The following INPP5A variants were observed in gnomAD, a reference collection of about 807,000 sequenced individuals.
INPP5A encodes the protein inositol polyphosphate-5-phosphatase A, also known as 43 kDa inositol polyphosphate 5-phophatase.
A neutral mutation model predicts 65.2 loss-of-function variants in INPP5A; 14 were observed. That is an observed-to-expected ratio of 0.21 (90% CI 0.14 to 0.34). The LOEUF (loss-of-function observed/expected upper bound fraction) is 0.34, where lower values mean the gene tolerates loss of function less well. INPP5A is among the 10% of genes least tolerant of loss of function. INPP5A has a pLI of 1.00. For synonymous variants in INPP5A, 207 were observed against 208.3 expected (o/e 0.99, Z 0.05); for missense variants, 431 against 545.6 (o/e 0.79, Z 2.09).
chr10:132,697,909 A>C lies in INPP5A; in HGVS notation c.464A>C (p.Tyr155Ser). ...GAGAAGGAGAAGTTTCCGCAGGACT[A>C]CTTCCCCGAGGTACGTAGCGAGGCT... ...MLEKEKFPQDYFPECKWSRKG... is the reference protein window; with the variant it reads ...MLEKEKFPQDSFPECKWSRKG... The change falls in exon 6 of 16, where the codon TAC becomes TCC. Residue 155 changes from tyrosine (Y) to serine (S), a missense_variant. Tyr to Ser is a moderately radical substitution (Grantham distance 144, BLOSUM62 -2). Coordinates refer to ENST00000368594, the MANE Select transcript of INPP5A (RefSeq NM_005539.5). This position sits in a 1 kb window ranked among gnomAD's most constrained non-coding sequence, Gnocchi z 5.6. 1 of 1,609,490 alleles carries C rather than the reference A, an allele frequency of 6.2e-7. No individual in the cohort carries two copies. The highest frequency in any genetic ancestry group is 8.5e-7 in the Non-Finnish European group (1 of 1,175,972).
At chr10:132,737,015 G>A (rs900172398) in intron 9 of INPP5A, among the ~76,000 whole-genome samples, 33 of 152,256 alleles carry the variant, frequency 2.2e-4, no homozygotes, top group Non-Finnish European at 4.3e-4. Flanking sequence ...GCTCCCATCA[G>A]GCGTGACAGA....
At chr10:132,669,146 G>C (rs756567964) in intron 4 of INPP5A, among the ~76,000 whole-genome samples, 2 of 152,138 alleles carry the variant, frequency 1.3e-5, no homozygotes, top group Non-Finnish European at 2.9e-5. Flanking sequence ...CCAGCTACTC[G>C]GGAGGCTGAG....
intron 11 of INPP5A, among the ~76,000 whole-genome samples, chr10:132,752,280 G>A (rs943757611): frequency 1.3e-5 from 2 of 152,060 alleles, no homozygotes; most frequent in African/African-American, 2.4e-5. Context: ...GTCCCTTGGA[G>A]GAGGATGCCA....
rs1279634336 is a variant in INPP5A at position 132,699,098 on chromosome 10, A to ACT, written c.474+1179_474+1180insCT. Among the ~76,000 whole-genome samples the ACT allele has an allele frequency of 2.6e-5, 4 of 152,318 alleles. No homozygotes were observed. The East Asian group carries it at 7.7e-4, about 29-fold the overall frequency. On this transcript the variant is annotated intron_variant, in intron 6 of 15. Transcript: ENST00000368594. Reference sequence around the variant, plus strand: ...AGCAGTTGGAAAGGACATGCAAGAAAGCTCCATGGTCTTCTCCACGCACAG... The same window carrying ACT: ...AGCAGTTGGAAAGGACATGCAAGAAACTGCTCCATGGTCTTCTCCACGCACAG...
intron 4 of INPP5A, among the ~76,000 whole-genome samples, chr10:132,687,919 G>A (rs968732360): frequency 6.6e-6 from 1 of 152,238 alleles, no homozygotes; most frequent in African/African-American, 2.4e-5. Flanking sequence ...CTTTTTAGGA[G>A]TTTAAATGCA....
intron 2 of INPP5A, among the ~76,000 whole-genome samples, chr10:132,618,054 T>C (rs1291110987): frequency 6.6e-6 from 1 of 152,238 alleles, no homozygotes; most frequent in East Asian, 1.9e-4. Context: ...AGTTTAAAGT[T>C]TGCTTGTGGG....
chr10:132,539,381 A>G (rs2070881057), intron 1 of INPP5A, among the ~76,000 whole-genome samples: 1 of 152,252 alleles, frequency 6.6e-6, no homozygotes, highest in Non-Finnish European at 1.5e-5. Flanking sequence ...TTGAAGAAAA[A>G]GATGCTGAGA....
chr10:132,697,719 C>A lies in INPP5A; in HGVS notation c.371-97C>A. The A allele has an allele frequency of 1.2e-6, 1 of 827,356 alleles. No individual in the cohort carries two copies. Among genetic ancestry groups the A allele is most frequent in the Non-Finnish European group, 2.0e-6 (1 of 496,648 alleles). The allele number at this position is 827,356 out of a possible 1,614,324, so 51.3% of individuals were successfully genotyped here. The stretch of plus-strand genomic sequence containing the variant: ...CCTCTCGGGGGGCCTCTCTGGCTCC[C>A]ATCGGGCTGAAGTCGGGTGGAAACA... On this transcript the variant is annotated intron_variant, in intron 5 of 15. Transcript: ENST00000368594. The surrounding 1 kb of genome is among the most constrained non-coding windows in gnomAD (Gnocchi z 5.6).
intron 1 of INPP5A, among the ~76,000 whole-genome samples, chr10:132,554,245 T>G (rs145063571): frequency 2.6e-5 from 4 of 152,150 alleles, no homozygotes; most frequent in Non-Finnish European, 5.9e-5. Context: ...AAAGGGGTAG[T>G]GTACTGTGCT....
intron 6 of INPP5A, among the ~76,000 whole-genome samples, chr10:132,702,142 G>C (rs1416142397): frequency 2.0e-5 from 3 of 152,250 alleles, no homozygotes; most frequent in African/African-American, 4.8e-5. Context: ...TAGCTGCTCT[G>C]ACGAGCTTAC....
chr10:132,740,188 G>A (rs1043945118), intron 9 of INPP5A, among the ~76,000 whole-genome samples: 48 of 152,218 alleles, frequency 3.2e-4, no homozygotes, highest in Admixed American at 2.4e-3. Context: ...GGACTGGGGC[G>A]TTTGTCAGAA....
At chr10:132,631,389 C>T (rs555506811) in intron 2 of INPP5A, among the ~76,000 whole-genome samples, 3 of 152,284 alleles carry the variant, frequency 2.0e-5, no homozygotes, top group South Asian at 4.1e-4. Flanking sequence ...AGGAGAGCCC[C>T]CACCCAGGGC....
At chr10:132,542,589 G>A (rs1390116350) in intron 1 of INPP5A, among the ~76,000 whole-genome samples, 1 of 152,136 alleles carries the variant, frequency 6.6e-6, no homozygotes, top group African/African-American at 2.4e-5. Context: ...GAGTGGGGTG[G>A]GGGGGTCTCC....
chr10:132,762,332 CGAAGA>C lies in INPP5A; in HGVS notation c.904-3437_904-3433del, dbSNP rs1204579674. 6.6e-6 allele frequency among the ~76,000 whole-genome samples: 1 copy of C among 152,074 alleles called. No individual in the cohort carries two copies. The highest frequency in any genetic ancestry group is 1.5e-5 in the Non-Finnish European group (1 of 68,030). On this transcript the variant is annotated intron_variant, in intron 11 of 15. Coordinates refer to ENST00000368594, the MANE Select transcript of INPP5A (RefSeq NM_005539.5). The surrounding 1 kb of genome is among the most constrained non-coding windows in gnomAD (Gnocchi z 4.6). ...GAGTGAAACAGCGGAACATCAAAGACGAAGAGAATATTTTTGAAGCATTGTGGGAA... is the reference window on the plus strand; with the variant it reads ...GAGTGAAACAGCGGAACATCAAAGACGAATATTTTTGAAGCATTGTGGGAA...
At chr10:132,657,011 G>C (rs1319797715) in intron 4 of INPP5A, among the ~76,000 whole-genome samples, 4 of 152,224 alleles carry the variant, frequency 2.6e-5, no homozygotes, top group African/African-American at 4.8e-5. Context: ...GCAGCCACAA[G>C]CCGAGGCGTT....
chr10:132,712,215 GTGCA>G (rs1163042778), intron 8 of INPP5A, among the ~76,000 whole-genome samples: 1 of 152,128 alleles, frequency 6.6e-6, no homozygotes, highest in Non-Finnish European at 1.5e-5. Flanking sequence ...CTGTGCGTGT[GTGCA>G]TGCCTGAGTG....
At chr10:132,666,501 G>A (rs898769674) in intron 4 of INPP5A, among the ~76,000 whole-genome samples, 14 of 152,048 alleles carry the variant, frequency 9.2e-5, no homozygotes, top group African/African-American at 2.9e-4. Context: ...TTTGAAAACA[G>A]CCACAAAAAA....
intron 2 of INPP5A, among the ~76,000 whole-genome samples, chr10:132,625,070 C>A (rs1032297845): frequency 6.6e-6 from 1 of 151,734 alleles, no homozygotes; most frequent in Admixed American, 6.6e-5. Context: ...AGTTTTCTCA[C>A]AGGCTGAGCC....
At chr10:132,623,631 A>G (rs2072136527) in intron 2 of INPP5A, among the ~76,000 whole-genome samples, 2 of 152,220 alleles carry the variant, frequency 1.3e-5, no homozygotes, top group South Asian at 2.1e-4. Flanking sequence ...TTAATAAAAG[A>G]AAAGAATTGG....
Sources: gnomAD v4.1 joint callset for allele counts (sites outside exome capture counted in the v4.1 genomes callset) on GRCh38, gnomAD v4.1.1 for gene constraint, Gnocchi (gnomAD v3.1) non-coding constraint, MANE v1.5 for transcripts, NCBI Gene and HGNC (gene_info 2026-07-23, HGNC 2026-07-21) for gene names.